SPAG16: variants seen among roughly 807,000 people sequenced by gnomAD.
The protein encoded by SPAG16 is sperm associated antigen 16.
In SPAG16, 86 loss-of-function variants were observed where a neutral mutation model predicts 80.4. The observed-to-expected ratio is 1.07, with a 90% CI of 0.90 to 1.28. The LOEUF is 1.28. Among genes scored for constraint, SPAG16 ranks in the 50% most tolerant of loss-of-function variants. The probability of loss-of-function intolerance (pLI) is 0.00; values close to 1 mark genes in which losing one functional copy is unlikely to be tolerated. For synonymous variants in SPAG16, 294 were observed against 265.9 expected (o/e 1.11, Z -1.03); for missense variants, 870 against 765.3 (o/e 1.14, Z -1.61).
intron 12 of SPAG16, among the ~76,000 whole-genome samples, chr2:213,993,730 G>A (rs1219910407): frequency 6.6e-6 from 1 of 152,194 alleles, no homozygotes; most frequent in Admixed American, 6.5e-5. Flanking sequence ...GTAATAGGAT[G>A]TGCTTCTGTA....
intron 15 of SPAG16, among the ~76,000 whole-genome samples, chr2:214,288,513 T>C (rs935909383): frequency 1.1e-4 from 17 of 152,096 alleles, no homozygotes; most frequent in African/African-American, 3.6e-4. Flanking sequence ...TTCTGTCTTC[T>C]ATAGTGGTTA....
chr2:213,748,427 C>T (rs1334066486), intron 10 of SPAG16, among the ~76,000 whole-genome samples: 1 of 151,476 alleles, frequency 6.6e-6, no homozygotes, highest in Non-Finnish European at 1.5e-5. Context: ...AGTTTATGTT[C>T]TTTTCCAAGT....
At chr2:213,579,981 T>C (rs1429502166) in intron 10 of SPAG16, among the ~76,000 whole-genome samples, 2 of 152,118 alleles carry the variant, frequency 1.3e-5, no homozygotes, top group African/African-American at 2.4e-5. Context: ...CAAAACATAC[T>C]ATACCCCAAA....
chr2:213,391,563 A>C (rs1057399379), intron 9 of SPAG16, among the ~76,000 whole-genome samples: 3 of 152,182 alleles, frequency 2.0e-5, no homozygotes, highest in African/African-American at 7.2e-5. Context: ...ATGTTTATCA[A>C]AGGGTTTTTT....
intron 11 of SPAG16, among the ~76,000 whole-genome samples, chr2:213,879,477 T>C (rs1457635746): frequency 6.6e-6 from 1 of 151,974 alleles, no homozygotes; most frequent in Non-Finnish European, 1.5e-5. Context: ...CTCAGCTTGA[T>C]GATTATCAGT....
At chr2:214,228,294 AAAGTTT>A (rs1222519386) in intron 15 of SPAG16, among the ~76,000 whole-genome samples, 1 of 151,974 alleles carries the variant, frequency 6.6e-6, no homozygotes, top group Non-Finnish European at 1.5e-5. Flanking sequence ...TATAATTGAA[AAAGTTT>A]TCTCAAAAGC....
chr2:213,903,047 C>A (rs10189312), intron 11 of SPAG16, among the ~76,000 whole-genome samples: 88,863 of 151,994 alleles, frequency 0.58, 27,802 homozygotes, highest in South Asian at 0.84. Context: ...TGGGCAGCTC[C>A]ACCCCTGTGG....
intron 5 of SPAG16, among the ~76,000 whole-genome samples, chr2:213,327,303 G>A (rs2063886191): frequency 6.6e-6 from 1 of 151,882 alleles, no homozygotes; most frequent in African/African-American, 2.4e-5. Flanking sequence ...AAGCAGATGG[G>A]CAGCAGGAAG....
At chr2:213,623,690 G>A (rs1193479722) in intron 10 of SPAG16, among the ~76,000 whole-genome samples, 1 of 152,026 alleles carries the variant, frequency 6.6e-6, no homozygotes, top group Non-Finnish European at 1.5e-5. Context: ...AGTAGGTTAG[G>A]CACTTTAAAA....
At chr2:213,410,165 C>G (rs2068882343) in intron 9 of SPAG16, among the ~76,000 whole-genome samples, 1 of 152,116 alleles carries the variant, frequency 6.6e-6, no homozygotes, top group Admixed American at 6.5e-5. Flanking sequence ...AGGGGAAAAC[C>G]CTACCGAACT....
At chr2:214,280,368 C>CTTAT (rs1322638205) in intron 15 of SPAG16, among the ~76,000 whole-genome samples, 5 of 152,100 alleles carry the variant, frequency 3.3e-5, no homozygotes, top group Non-Finnish European at 1.5e-5. Context: ...AATTTTCAAG[C>CTTAT]TTATTTTAAA....
intron 13 of SPAG16, among the ~76,000 whole-genome samples, chr2:214,052,084 G>A (rs572879643): frequency 3.3e-5 from 5 of 152,202 alleles, no homozygotes; most frequent in Non-Finnish European, 7.4e-5. Context: ...ATGTCAAGTA[G>A]GACAATGATT....
At chr2:214,235,022 C>A (rs1393068070) in intron 15 of SPAG16, among the ~76,000 whole-genome samples, 2 of 152,060 alleles carry the variant, frequency 1.3e-5, no homozygotes, top group Non-Finnish European at 2.9e-5. Context: ...ATGAAAGATT[C>A]TTTCAAATTA....
rs1553657365 is a variant in SPAG16, at chr2:213,896,593, C to CTATATATATAT, written c.1215-33367_1215-33366insTATATATATAT. Among the ~76,000 whole-genome samples, 221 of 119,754 alleles carry CTATATATATAT rather than the reference C, an allele frequency of 1.8e-3. 4 individuals are homozygous for CTATATATATAT. The highest frequency in any genetic ancestry group is 5.1e-3 in the Middle Eastern group (1 of 198). 78.6% of individuals were successfully genotyped at this position (119,754 alleles called of 152,430 possible). On this transcript the variant is annotated intron_variant, in intron 11 of 15. Coordinates refer to ENST00000331683, the MANE Select transcript of SPAG16 (RefSeq NM_024532.5). Reference sequence around the variant, plus strand: ...AATGTGATATATACACACACACACGCACACACACACACACACACACACATA... The same window carrying CTATATATATAT: ...AATGTGATATATACACACACACACGCTATATATATATACACACACACACACACACACACATA...
intron 5 of SPAG16, among the ~76,000 whole-genome samples, chr2:213,336,703 TC>T (rs2064379804): frequency 6.6e-6 from 1 of 152,138 alleles, no homozygotes; most frequent in African/African-American, 2.4e-5. Flanking sequence ...AATTTCAGCA[TC>T]CCTAGACAGG....
At chr2:213,445,923 C>A (rs2071280768) in intron 9 of SPAG16, among the ~76,000 whole-genome samples, 1 of 152,164 alleles carries the variant, frequency 6.6e-6, no homozygotes, top group African/African-American at 2.4e-5. Context: ...GACCAGAGAA[C>A]CAAGCTGCAG....
chr2:213,487,259 A>G (rs2074023805), intron 9 of SPAG16, among the ~76,000 whole-genome samples: 2 of 152,114 alleles, frequency 1.3e-5, no homozygotes, highest in African/African-American at 4.8e-5. Context: ...AGTGAGTTCA[A>G]TGTGCACTTT....
chr2:213,674,591 G>T (rs1384999228), intron 10 of SPAG16, among the ~76,000 whole-genome samples: 1 of 148,502 alleles, frequency 6.7e-6, no homozygotes, highest in Non-Finnish European at 1.5e-5. Context: ...GTGTCCATGT[G>T]TTCTCATTGT....
chr2:214,126,043 CTTCCTTCCTTCCTTCCTTT>C (rs1559823086), intron 14 of SPAG16, among the ~76,000 whole-genome samples: 8 of 10,690 alleles, frequency 7.5e-4, no homozygotes, highest in African/African-American at 3.2e-3. Context: ...TCCTTCCTTC[CTTCCTTCCTTCCTTCCTTT>C]TTTTTTTTTT....
Sources: gnomAD v4.1 joint callset for allele counts (sites outside exome capture counted in the v4.1 genomes callset) on GRCh38, gnomAD v4.1.1 for gene constraint, MANE v1.5 for transcripts, NCBI Gene and HGNC (gene_info 2026-07-23, HGNC 2026-07-21) for gene names.